Variants in MID1 observed in about 807,000 individuals in gnomAD.
MID1 encodes the protein E3 ubiquitin-protein ligase Midline-1.
Under a neutral mutation model 40.4 loss-of-function variants are expected in MID1, and 7 were observed. The ratio of observed to expected loss-of-function variants is 0.17; its 90% confidence interval spans 0.10 to 0.33. The LOEUF (loss-of-function observed/expected upper bound fraction) is 0.33. Ranked by LOEUF, MID1 falls within the 10% of genes least tolerant of loss-of-function variation. MID1 has a pLI of 1.00. For missense variants in MID1, 367 were observed against 558.5 expected (o/e 0.66, Z 3.46); for synonymous variants, 229 against 221.2 (o/e 1.04, Z -0.31).
chrX:10,519,601 T>C (rs1306883704), intron 3 of MID1, among the ~76,000 whole-genome samples: 1 of 111,962 alleles, frequency 8.9e-6, no homozygotes, highest in Non-Finnish European at 1.9e-5. Flanking sequence ...AGTGAACCAA[T>C]AAGCTCACTG....
intron 8 of MID1, among the ~76,000 whole-genome samples, chrX:10,457,000 T>C (rs1386747857): frequency 5.4e-5 from 6 of 112,093 alleles, no homozygotes. Flanking sequence ...GGAATGATCA[T>C]GCTAGCAACT....
At chrX:10,680,364 A>G (rs981415008) in intron 1 of MID1, among the ~76,000 whole-genome samples, 1 of 112,109 alleles carries the variant, frequency 8.9e-6, no homozygotes, top group Non-Finnish European at 1.9e-5. Flanking sequence ...TCTGGGGATT[A>G]TATTTGACAA....
intron 1 of MID1, among the ~76,000 whole-genome samples, chrX:10,639,165 G>C (rs1314504674): frequency 2.7e-5 from 3 of 112,388 alleles, no homozygotes; most frequent in Non-Finnish European, 5.6e-5. Flanking sequence ...GAATGACTTT[G>C]ACGAGTTGAG....
chrX:10,531,422 C>T (rs989430326), intron 2 of MID1, among the ~76,000 whole-genome samples: 4 of 111,388 alleles, frequency 3.6e-5, no homozygotes, highest in African/African-American at 1.3e-4. Context: ...TTCCAAATGC[C>T]CTGGCAAGAC....
chrX:10,805,533 G>A (rs1273044624), intron 1 of MID1, among the ~76,000 whole-genome samples: 15 of 102,311 alleles, frequency 1.5e-4, no homozygotes, highest in African/African-American at 5.2e-4. Flanking sequence ...ATAAACATAT[G>A]TGTGCATGTG....
At chrX:10,761,747 T>C (rs1826254540) in intron 1 of MID1, among the ~76,000 whole-genome samples, 2 of 111,896 alleles carry the variant, frequency 1.8e-5, no homozygotes, top group South Asian at 7.5e-4. Flanking sequence ...TTGGTAGACT[T>C]GGGAGACATA....
intron 1 of MID1, among the ~76,000 whole-genome samples, chrX:10,743,364 G>A (rs920943821): frequency 1.8e-5 from 2 of 112,254 alleles, no homozygotes; most frequent in African/African-American, 6.5e-5. Flanking sequence ...AATACGAAAC[G>A]GCGGCATTAA....
chrX:10,667,282 G>A (rs1049231908), intron 1 of MID1, among the ~76,000 whole-genome samples: 11 of 111,549 alleles, frequency 9.9e-5, no homozygotes, highest in African/African-American at 3.6e-4. Flanking sequence ...AAAATAGTCA[G>A]CTAAACAAGA....
chrX:10,505,482 C>T, intron 3 of MID1: 3 of 754,333 alleles, frequency 4.0e-6, no homozygotes, highest in Non-Finnish European at 3.1e-6. Context: ...ACAAATGCTT[C>T]ACACCCTTCC....
chrX:10,784,910 T>C (rs866760639), intron 1 of MID1, among the ~76,000 whole-genome samples: 1 of 111,090 alleles, frequency 9.0e-6, no homozygotes, highest in Non-Finnish European at 1.9e-5. Context: ...CTTTGAAAAC[T>C]GGCACAAGAC....
chrX:10,779,439 C>T (rs930682748), intron 1 of MID1, among the ~76,000 whole-genome samples: 2 of 112,082 alleles, frequency 1.8e-5, no homozygotes, highest in Non-Finnish European at 3.8e-5. Flanking sequence ...TCCCAAAGTG[C>T]TGGGATTACA....
intron 1 of MID1, among the ~76,000 whole-genome samples, chrX:10,709,194 C>T (rs1017795326): frequency 8.9e-6 from 1 of 112,412 alleles, no homozygotes; most frequent in African/African-American, 3.2e-5. Flanking sequence ...ACTTCCAACT[C>T]TCTTTGGTAT....
chrX:10,465,254 C>CACACACAT (rs1162101103), intron 7 of MID1, among the ~76,000 whole-genome samples: 19 of 96,819 alleles, frequency 2.0e-4, no homozygotes, highest in African/African-American at 7.3e-4. Flanking sequence ...CACACACACA[C>CACACACAT]ACACACATAC....
rs183461140 is a variant in MID1, at chrX:10,706,257, A to T, written c.-186-85838T>A. On this transcript the variant is annotated intron_variant, in intron 1 of 10. Transcript: ENST00000380785. ...ACATTAAGAGGTTTGTGCCTAAAAA[A>T]TTAGGGAACCTCTACTTAGCCTGGG... Among the ~76,000 whole-genome samples the T allele has an allele frequency of 3.6e-4, 40 of 111,592 alleles. No homozygotes were observed. The East Asian group carries it at 0.011, about 32-fold the overall frequency.
At chrX:10,623,376 G>A (rs769910294), upstream of MID1, among the ~76,000 whole-genome samples, 13 of 110,990 alleles carry the variant, frequency 1.2e-4, no homozygotes, top group Non-Finnish European at 1.7e-4. Flanking sequence ...AAAAGAGCTT[G>A]CTCTACCAAA....
chrX:10,604,511 T>C (rs1243865058), intron 1 of MID1, among the ~76,000 whole-genome samples: 1 of 112,270 alleles, frequency 8.9e-6, no homozygotes, highest in Non-Finnish European at 1.9e-5. Flanking sequence ...TATGTTTTCT[T>C]GGTTCAAAGT....
intron 1 of MID1, among the ~76,000 whole-genome samples, chrX:10,637,022 T>G (rs902064613): frequency 1.9e-5 from 2 of 106,160 alleles, no homozygotes; most frequent in Non-Finnish European, 3.9e-5. Flanking sequence ...ACATTCCATC[T>G]GGTATGTTCC....
At chrX:10,537,787 C>T (rs1470382046) in intron 2 of MID1, among the ~76,000 whole-genome samples, 1 of 111,673 alleles carries the variant, frequency 9.0e-6, no homozygotes, top group Non-Finnish European at 1.9e-5. Flanking sequence ...GCTTTAACTC[C>T]ATCCTCTGTC....
chrX:10,483,470 C>T (rs745319595), intron 4 of MID1, among the ~76,000 whole-genome samples: 3 of 112,027 alleles, frequency 2.7e-5, no homozygotes, highest in South Asian at 3.7e-4. Context: ...CCCACTTGAC[C>T]GTTCGCTCTT....
Sources: allele counts gnomAD v4.1 joint callset (sites outside exome capture counted in the v4.1 genomes callset), GRCh38; gene constraint gnomAD v4.1.1; transcripts MANE v1.5; gene names NCBI Gene and HGNC (gene_info 2026-07-23, HGNC 2026-07-21).